Variants in EYS observed in about 807,000 individuals in gnomAD.
The protein encoded by EYS is EGF-like photoreceptor maintenance factor, also known as protein eyes shut homolog.
A neutral mutation model predicts 282.1 loss-of-function variants in EYS; 250 were observed. The ratio of observed to expected loss-of-function variants is 0.89; its 90% CI spans 0.80 to 0.98. The LOEUF (loss-of-function observed/expected upper bound fraction) is 0.98. Among genes scored for constraint, EYS ranks in the 50% least tolerant of loss-of-function variants. The pLI is 0.00. For synonymous variants in EYS, 1,355 were observed against 1,282.9 expected, an observed-to-expected ratio of 1.06 and a Z score of -1.20; for missense variants, 4,016 against 3,709.0, an observed-to-expected ratio of 1.08 and a Z score of -2.15.
At chr6:64,781,196 T>A (rs544785938) in intron 22 of EYS, among the ~76,000 whole-genome samples, 1 of 152,230 alleles carries the variant, frequency 6.6e-6, no homozygotes, top group East Asian at 1.9e-4. Flanking sequence ...TTCAGGTAAA[T>A]AATGAACATT....
intron 2 of EYS, among the ~76,000 whole-genome samples, chr6:65,567,455 T>A (rs1264905497): frequency 6.6e-6 from 1 of 151,706 alleles, no homozygotes; most frequent in South Asian, 2.1e-4. Flanking sequence ...TTAGTCAACA[T>A]TCTATCTAAA....
chr6:64,766,661 T>TATATATATATAG (rs1562180026), intron 22 of EYS, among the ~76,000 whole-genome samples: 1 of 65,132 alleles, frequency 1.5e-5, no homozygotes, highest in African/African-American at 7.3e-5. Context: ...TATATATATA[T>TATATATATATAG]ATATATATAT....
chr6:65,410,356 T>C (rs1017134539), intron 5 of EYS, among the ~76,000 whole-genome samples: 2 of 152,078 alleles, frequency 1.3e-5, no homozygotes, highest in African/African-American at 2.4e-5. Context: ...GGATAGTTAG[T>C]ATATCTATCA....
At chr6:64,248,535 CAGGGG>C (rs1767093383) in intron 30 of EYS, among the ~76,000 whole-genome samples, 1 of 152,072 alleles carries the variant, frequency 6.6e-6, no homozygotes, top group Non-Finnish European at 1.5e-5. Flanking sequence ...GTGTACCAGT[CAGGGG>C]CTGTCAGGAA....
chr6:65,338,533 C>A (rs771068302), intron 10 of EYS, among the ~76,000 whole-genome samples: 1 of 151,088 alleles, frequency 6.6e-6, no homozygotes, highest in Non-Finnish European at 1.5e-5. Flanking sequence ...GCAACCCTAA[C>A]TCCTGTATTT....
rs189641214 is a variant in EYS, at chr6:64,935,336, A to T, written c.2381+10457T>A. 4.7e-4 allele frequency among the ~76,000 whole-genome samples: 71 copies of T among 151,898 alleles called. 2 individuals carry two copies. The highest frequency in any genetic ancestry group is 1.7e-3 in the African/African-American group (69 of 41,548). On this transcript the variant is annotated intron_variant, in intron 15 of 42. Transcript: ENST00000503581. ...TAAGTGCAAATTGAGTGAACATTCC[A>T]ATCAAAAGACAAATAATGGCAGAAT...
rs1288564638 is a variant in EYS at position 64,104,730 on chromosome 6, ATC to A, written c.6425-22730_6425-22729del. 4.0e-3 allele frequency among the ~76,000 whole-genome samples: 589 copies of A among 145,540 alleles called. 3 individuals are homozygous for A. The highest frequency in any genetic ancestry group is 0.014 in the African/African-American group (560 of 38,856). On this transcript the variant is annotated intron_variant, in intron 31 of 42. Transcript: ENST00000503581. ...GTTCTGGGTAAAACTCACTTATAAT[ATC>A]TCTCTTCTGGCAAGCTTTTTTTTTT...
intron 24 of EYS, 50 bp downstream of exon 24, chr6:64,617,368 A>G (rs1337598176): frequency 8.4e-7 from 1 of 1,184,988 alleles, no homozygotes; most frequent in Admixed American, 2.0e-5. Flanking sequence ...TTTACTGTGT[A>G]TCAAAGAGAA....
At chr6:65,100,133 C>A (rs1217631290) in intron 12 of EYS, among the ~76,000 whole-genome samples, 6 of 150,758 alleles carry the variant, frequency 4.0e-5, no homozygotes, top group Non-Finnish European at 7.4e-5. Flanking sequence ...AAAAAAGTAA[C>A]CCTATGACCT....
intron 22 of EYS, among the ~76,000 whole-genome samples, chr6:64,752,491 C>T (rs1241173719): frequency 6.6e-6 from 1 of 151,900 alleles, no homozygotes; most frequent in African/African-American, 2.4e-5. Flanking sequence ...ACACTGCATT[C>T]AAAAAATATG....
chr6:64,871,534 A>T (rs1766598119), intron 19 of EYS, among the ~76,000 whole-genome samples: 1 of 151,942 alleles, frequency 6.6e-6, no homozygotes, highest in Admixed American at 6.6e-5. Flanking sequence ...TTGGGATAAA[A>T]ATAAAAGTCA....
chr6:63,950,413 G>A (rs753620818), intron 35 of EYS, among the ~76,000 whole-genome samples: 2 of 151,636 alleles, frequency 1.3e-5, no homozygotes, highest in Non-Finnish European at 2.9e-5. Context: ...GCCTGCCAGA[G>A]AACAACCCCC....
chr6:63,995,733 A>T (rs531118634), intron 34 of EYS, among the ~76,000 whole-genome samples: 3 of 152,020 alleles, frequency 2.0e-5, no homozygotes, highest in Non-Finnish European at 4.4e-5. Context: ...ACTTATATGT[A>T]GAATCTAAAA....
chr6:65,388,295 C>T (rs750735952), intron 7 of EYS, among the ~76,000 whole-genome samples: 10 of 151,924 alleles, frequency 6.6e-5, no homozygotes, highest in Non-Finnish European at 1.3e-4. Flanking sequence ...ACAGCAACTC[C>T]TCTGCCTTAT....
chr6:65,284,652 A>G (rs898588221), intron 12 of EYS, among the ~76,000 whole-genome samples: 3 of 151,996 alleles, frequency 2.0e-5, no homozygotes, highest in African/African-American at 7.3e-5. Flanking sequence ...CCACATAGCT[A>G]AATGGTTTTA....
At chr6:64,286,780 G>A (rs1027679937) in intron 30 of EYS, among the ~76,000 whole-genome samples, 3 of 152,088 alleles carry the variant, frequency 2.0e-5, no homozygotes, top group South Asian at 2.1e-4. Flanking sequence ...GCCTTAATAT[G>A]TATCTAATTT....
At chr6:64,719,162 C>CAAGGAA (rs1771491578) in intron 22 of EYS, among the ~76,000 whole-genome samples, 1 of 152,098 alleles carries the variant, frequency 6.6e-6, no homozygotes. Flanking sequence ...TAACAGTCAG[C>CAAGGAA]AAGGAAAAGG....
rs1347322844 is a variant in EYS, at chr6:65,243,497, G to A, written c.2023+52366C>T. Among the ~76,000 whole-genome samples the A allele has an allele frequency of 2.6e-5, 4 of 152,106 alleles. No individual in the cohort carries two copies. In the East Asian group the frequency reaches 7.7e-4, roughly 29 times the overall value. On this transcript the variant is annotated intron_variant, in intron 12 of 42. Coordinates refer to ENST00000503581, the MANE Select transcript of EYS (RefSeq NM_001142800.2). ...GGTGGGAATGAGGGAGGAATTAAGG[G>A]AACAATCAAGACTCAAATACCACAG...
At chr6:65,695,134 T>C (rs1215903074) in intron 1 of EYS, among the ~76,000 whole-genome samples, 1 of 152,096 alleles carries the variant, frequency 6.6e-6, no homozygotes, top group Non-Finnish European at 1.5e-5. Flanking sequence ...TAGGTGTCCA[T>C]GTACATAGAA....
Sources: allele counts gnomAD v4.1 joint callset (sites outside exome capture counted in the v4.1 genomes callset), GRCh38; gene constraint gnomAD v4.1.1; transcripts MANE v1.5; gene names NCBI Gene and HGNC (gene_info 2026-07-23, HGNC 2026-07-21).